The following CLASP1 variants were observed in gnomAD, a reference collection of about 807,000 sequenced individuals.
CLASP1 encodes cytoplasmic linker associated protein 1, also known as CLIP-associating protein 1.
A neutral mutation model predicts 192.3 loss-of-function variants in CLASP1; 38 were observed. The observed-to-expected ratio is 0.20, with a 90% CI of 0.15 to 0.26. The LOEUF is 0.26. CLASP1 is among the 10% of genes least tolerant of loss of function. The pLI, the probability that CLASP1 is intolerant of heterozygous loss-of-function variation, is 1.00. For synonymous variants in CLASP1, 691 were observed against 712.8 expected (o/e 0.97, Z 0.49); for missense variants, 1,433 against 1,932.5 (o/e 0.74, Z 4.85).
At chr2:121,632,846 A>G (rs1419956913) in intron 1 of CLASP1, among the ~76,000 whole-genome samples, 2 of 151,680 alleles carry the variant, frequency 1.3e-5, no homozygotes, top group Admixed American at 1.3e-4. Flanking sequence ...CGGTGAGCCA[A>G]GATTGCGCCA....
At chr2:121,344,888 T>C (rs2063252168) in intron 39 of CLASP1, among the ~76,000 whole-genome samples, 2 of 152,136 alleles carry the variant, frequency 1.3e-5, no homozygotes, top group Admixed American at 1.3e-4. Flanking sequence ...CCAGACACGG[T>C]GGCTCACACC....
intron 8 of CLASP1, among the ~76,000 whole-genome samples, chr2:121,483,186 C>T (rs2092719061): frequency 6.6e-6 from 1 of 152,192 alleles, no homozygotes; most frequent in African/African-American, 2.4e-5. Flanking sequence ...CTCCCCGCCC[C>T]ACACAGGGCC....
At chr2:121,497,013 G>A (rs189833060) in intron 8 of CLASP1, among the ~76,000 whole-genome samples, 15 of 152,238 alleles carry the variant, frequency 9.9e-5, no homozygotes, top group Non-Finnish European at 1.8e-4. Context: ...ATATGTGGGA[G>A]CTAAAAGGGT....
At chr2:121,386,934 C>T (rs1466904174) in intron 32 of CLASP1, among the ~76,000 whole-genome samples, 188 bp downstream of exon 33, 1 of 152,190 alleles carries the variant, frequency 6.6e-6, no homozygotes, top group Non-Finnish European at 1.5e-5. Flanking sequence ...ACTCATCTTA[C>T]CACAGAAGTT....
intron 2 of CLASP1, among the ~76,000 whole-genome samples, chr2:121,562,156 A>G (rs2059141191): frequency 6.6e-6 from 1 of 152,230 alleles, no homozygotes; most frequent in Admixed American, 6.5e-5. Flanking sequence ...TGTCCTGGAC[A>G]GCAAGTCTTC....
chr2:121,365,523 C>T (rs1251139138), intron 35 of CLASP1, among the ~76,000 whole-genome samples: 1 of 152,226 alleles, frequency 6.6e-6, no homozygotes, highest in African/African-American at 2.4e-5. Context: ...CTGTCCAGTA[C>T]CAACAGTCAA....
chr2:121,550,968 C>G (rs2057986592), intron 2 of CLASP1, among the ~76,000 whole-genome samples: 1 of 152,170 alleles, frequency 6.6e-6, no homozygotes, highest in Admixed American at 6.5e-5. Context: ...CAAAAATCTT[C>G]AACAAAATAC....
chr2:121,424,863 C>T (rs776168016), intron 22 of CLASP1, among the ~76,000 whole-genome samples: 3 of 152,186 alleles, frequency 2.0e-5, no homozygotes, highest in Non-Finnish European at 4.4e-5. Context: ...AAACACCCTG[C>T]TATTTCCCCA....
chr2:121,505,706 G>T (rs1047531594), intron 7 of CLASP1, among the ~76,000 whole-genome samples: 1 of 151,960 alleles, frequency 6.6e-6, no homozygotes, highest in African/African-American at 2.4e-5. Flanking sequence ...TAAATCTCTG[G>T]ATTTCCATTT....
At chr2:121,594,973 A>G (rs764795826) in intron 2 of CLASP1, among the ~76,000 whole-genome samples, 1 of 152,212 alleles carries the variant, frequency 6.6e-6, no homozygotes, top group African/African-American at 2.4e-5. Flanking sequence ...TAAAAAGTAT[A>G]TATGGTCATG....
rs371800004 is a variant in CLASP1 at position 121,605,758 on chromosome 2, C to T, written c.138G>A (p.Met46Ile). 1 of 1,613,916 alleles carries T rather than the reference C, an allele frequency of 6.2e-7. No individual in the cohort carries two copies. The highest frequency in any genetic ancestry group is 1.3e-5 in the African/African-American group (1 of 74,946). ...CAAGTCCATCCACAAGTTTATCTAA[C>T]ATGGTCTGGTCATGCTCAAGGTCAG... The change falls in exon 2 of 40, where the codon ATG becomes ATA. Residue 46 changes from methionine (M) to isoleucine (I), a missense_variant. Met to Ile is a conservative substitution (Grantham distance 10). Around this residue, in one of 8 missense-constraint regions of CLASP1, gnomAD observed 282 missense variants for 359.9 expected, o/e 0.78. Coordinates refer to ENST00000263710, the Ensembl canonical transcript of CLASP1.
chr2:121,607,270 C>T (rs540084805), intron 1 of CLASP1, among the ~76,000 whole-genome samples: 14 of 152,128 alleles, frequency 9.2e-5, no homozygotes, highest in South Asian at 4.2e-4. Flanking sequence ...ATCCAGGAGA[C>T]GGAGGTTGCG....
chr2:121,413,910 G>A (rs186466927), intron 23 of CLASP1, among the ~76,000 whole-genome samples: 2 of 152,194 alleles, frequency 1.3e-5, no homozygotes, highest in African/African-American at 2.4e-5. Context: ...TTGTTTTAAC[G>A]TAAATATGAA....
exon 33 of CLASP1, chr2:121,382,313 C>G: frequency 1.3e-6 from 2 of 1,571,858 alleles, no homozygotes; most frequent in Non-Finnish European, 1.7e-6. Flanking sequence ...GGCACTCCAA[C>G]CCCATAACCG....
At chr2:121,552,308 A>G (rs1481225410) in intron 2 of CLASP1, among the ~76,000 whole-genome samples, 2 of 152,236 alleles carry the variant, frequency 1.3e-5, no homozygotes, top group African/African-American at 2.4e-5. Flanking sequence ...AAGACACCAA[A>G]AGCAATCGCA....
intron 2 of CLASP1, chr2:121,530,936 A>G (rs72969388): frequency 5.7e-6 from 4 of 700,432 alleles, no homozygotes; most frequent in African/African-American, 3.5e-5. Flanking sequence ...TGAGGGCAGT[A>G]CTGCTAACGC....
intron 8 of CLASP1, among the ~76,000 whole-genome samples, chr2:121,493,370 C>T (rs552210010): frequency 6.6e-6 from 1 of 152,266 alleles, no homozygotes; most frequent in South Asian, 2.1e-4. Context: ...TTTTTGACAA[C>T]AGTGCCGAAA....
chr2:121,627,485 T>C (rs1271953953), intron 1 of CLASP1, among the ~76,000 whole-genome samples: 5 of 152,194 alleles, frequency 3.3e-5, no homozygotes, highest in Non-Finnish European at 7.3e-5. Flanking sequence ...GACGCTTTCC[T>C]GCAAGGCTCT....
At chr2:121,528,239 G>C (rs1053042950) in intron 4 of CLASP1, among the ~76,000 whole-genome samples, 63 of 152,208 alleles carry the variant, frequency 4.1e-4, no homozygotes, top group East Asian at 1.9e-4. Context: ...TGTTTTTTCT[G>C]ATCACCCCCC....
Sources: gnomAD v4.1 joint callset for allele counts (sites outside exome capture counted in the v4.1 genomes callset) on GRCh38, gnomAD v4.1.1 for gene constraint, gnomAD v4.1.1 regional missense constraint, MANE v1.5 for transcripts, NCBI Gene and HGNC (gene_info 2026-07-23, HGNC 2026-07-21) for gene names.